The following MPDZ variants were observed in gnomAD, a reference collection of about 807,000 sequenced individuals.
MPDZ encodes the protein multiple PDZ domain crumbs cell polarity complex component.
In MPDZ, 234 loss-of-function variants were observed where a neutral mutation model predicts 239.1. That is an observed-to-expected ratio of 0.98 (90% CI 0.88 to 1.09). The LOEUF (loss-of-function observed/expected upper bound fraction) is 1.09. Ranked by LOEUF, MPDZ falls within the 50% of genes least tolerant of loss-of-function variation. The pLI is 0.00. For missense variants in MPDZ, 3,175 were observed against 2,510.0 expected (o/e 1.26, Z -5.66); for synonymous variants, 1,048 against 881.3 (o/e 1.19, Z -3.35).
intron 10 of MPDZ, among the ~76,000 whole-genome samples, chr9:13,215,571 T>C (rs1958200784): frequency 6.6e-6 from 1 of 151,482 alleles, no homozygotes. Flanking sequence ...CTCACTATTA[T>C]TAAGATTCTA....
In MPDZ at chr9:13,183,558, C is replaced by G; in HGVS notation, c.2509G>C (p.Asp837His). ...TATGGAGACTCAAATGTGGATTCAT[C>G]TACTAAGTCAGCATCATTTGTGCCC... ...LVGTNDADLV[D>H]ESTFESPYSP... Residue 837 changes from aspartate (D) to histidine (H), a missense_variant, in exon 19 of 47, where the codon GAT becomes CAT. Coordinates refer to ENST00000319217, the MANE Select transcript of MPDZ (RefSeq NM_001378778.1). The G allele has an allele frequency of 2.5e-6, 4 of 1,612,324 alleles. No individual in the cohort carries two copies. Among genetic ancestry groups the G allele is most frequent in the Non-Finnish European group, 3.4e-6 (4 of 1,178,954 alleles).
At chr9:13,128,111 C>G (rs1945387666) in intron 32 of MPDZ, among the ~76,000 whole-genome samples, 1 of 152,136 alleles carries the variant, frequency 6.6e-6, no homozygotes, top group South Asian at 2.1e-4. Flanking sequence ...CTCTCTTCCC[C>G]CTTCTTCCCT....
intron 3 of MPDZ, among the ~76,000 whole-genome samples, chr9:13,231,441 C>T (rs548148039): frequency 6.6e-6 from 1 of 152,072 alleles, no homozygotes; most frequent in South Asian, 2.1e-4. Flanking sequence ...GTTGTACGCA[C>T]CCATAATCTC....
At position 13,183,197 on chromosome 9, in the gene MPDZ, T is replaced by C. The variant is rs76593175; in HGVS notation, c.2649+221A>G. ...AATCAAAGCTTTGAGCCTCTGTATC[T>C]ATCATTCTCAGACACTAAATTTAAA... On this transcript the variant is annotated intron_variant, in intron 19 of 46. Transcript: ENST00000319217. Among the ~76,000 whole-genome samples, 1,188 of 152,204 alleles carry C rather than the reference T, an allele frequency of 7.8e-3. 15 individuals are homozygous for C. The highest frequency in any genetic ancestry group is 0.027 in the African/African-American group (1,139 of 41,556).
intron 12 of MPDZ, among the ~76,000 whole-genome samples, chr9:13,197,501 T>C (rs759042917): frequency 1.4e-4 from 21 of 152,140 alleles, no homozygotes; most frequent in Non-Finnish European, 2.2e-4. Flanking sequence ...ATTGTACATA[T>C]TTATAGGGTA....
At position 13,106,653 on chromosome 9, in the gene MPDZ, C is replaced by T. The variant is rs888998382; in HGVS notation, c.*312G>A. ...TTAGAATTATCTTTCTTTATACTAACCAGCTTAGCATGTAATAATTCTTGC... is the reference window on the plus strand; with the variant it reads ...TTAGAATTATCTTTCTTTATACTAATCAGCTTAGCATGTAATAATTCTTGC... On this transcript the variant is annotated 3_prime_UTR_variant, in exon 47 of 47. Coordinates refer to ENST00000319217, the MANE Select transcript of MPDZ (RefSeq NM_001378778.1). 9.1e-6 allele frequency: 2 copies of T among 219,896 alleles called. No homozygotes were observed. Among genetic ancestry groups the T allele is most frequent in the African/African-American group, 2.3e-5 (1 of 44,140 alleles). The allele number at this position is 219,896 out of a possible 1,614,324, so 13.6% of individuals were successfully genotyped here. A position where few individuals can be genotyped will look rare whatever the true frequency, so the allele number is the denominator to read the frequency against.
intron 10 of MPDZ, among the ~76,000 whole-genome samples, chr9:13,210,290 T>C (rs897482706): frequency 6.6e-6 from 1 of 152,134 alleles, no homozygotes; most frequent in Admixed American, 6.6e-5. Flanking sequence ...ATTAATATCC[T>C]ATATCAAAGC....
chr9:13,192,158 G>C lies in MPDZ; in HGVS notation c.1941C>G (p.Asp647Glu). The change falls in exon 15 of 47, where the codon GAC (aspartate) becomes GAG (glutamate). Residue 647 changes from aspartate to glutamate, a missense_variant. Physicochemically the swap from Asp to Glu is conservative, Grantham distance 45 (BLOSUM62 2). Transcript: ENST00000319217. Reference sequence around the variant, plus strand: ...TTTCTGTTAGCTCAATATCACATAAGTCCAGGCTATCCAATTCTGATTGGG... The same window carrying C: ...TTTCTGTTAGCTCAATATCACATAACTCCAGGCTATCCAATTCTGATTGGG... ...PTTQSELDSL[D>E]LCDIELTEKP... The C allele has an allele frequency of 6.2e-7, 1 of 1,609,540 alleles. No individual in the cohort carries two copies. Among genetic ancestry groups the C allele is most frequent in the East Asian group, 2.2e-5 (1 of 44,652 alleles).
chr9:13,107,076 G>T lies in MPDZ; in HGVS notation c.6102C>A (p.Gly2034=). The T allele has an allele frequency of 6.3e-7, 1 of 1,585,850 alleles. No individual in the cohort carries two copies. The highest frequency in any genetic ancestry group is 8.6e-7 in the Non-Finnish European group (1 of 1,158,764). Residue 2034 remains glycine, a synonymous_variant, in exon 47 of 47, where the codon GGC becomes GGA. Transcript: ENST00000319217. ...GCCCATTGACAGCAATGATCTGATCGCCCCTTTTCAGACGTCCGTCTTCAG... is the reference window on the plus strand; with the variant it reads ...GCCCATTGACAGCAATGATCTGATCTCCCCTTTTCAGACGTCCGTCTTCAG... ...AASEDGRLKR[G]DQIIAVNGQS...
chr9:13,233,355 C>T (rs1219905819), intron 3 of MPDZ, among the ~76,000 whole-genome samples: 2 of 152,084 alleles, frequency 1.3e-5, no homozygotes, highest in African/African-American at 2.4e-5. Context: ...ACTACTACTA[C>T]ACATACAATA....
At chr9:13,154,815 C>G (rs977987376) in intron 24 of MPDZ, among the ~76,000 whole-genome samples, 3 of 152,026 alleles carry the variant, frequency 2.0e-5, no homozygotes, top group Non-Finnish European at 4.4e-5. Context: ...AGAAAGAGTA[C>G]CATTTTCCAC....
rs748593756 is a variant in MPDZ at position 13,192,119 on chromosome 9, C to T, written c.1968+12G>A. 1.3e-6 allele frequency: 2 copies of T among 1,579,450 alleles called. No homozygotes were observed. The highest frequency in any genetic ancestry group is 2.4e-5 in the South Asian group (2 of 83,438). ...TATATGTAGGTTAGCCTCATGTATGCAAATCTGATACCTTTTCTGTTAGCT... is the reference window on the plus strand; with the variant it reads ...TATATGTAGGTTAGCCTCATGTATGTAAATCTGATACCTTTTCTGTTAGCT... On this transcript the variant is annotated intron_variant, in intron 15 of 46. Coordinates refer to ENST00000319217, the MANE Select transcript of MPDZ (RefSeq NM_001378778.1).
chr9:13,267,992 T>C (rs1681277354), intron 1 of MPDZ, among the ~76,000 whole-genome samples: 1 of 152,182 alleles, frequency 6.6e-6, no homozygotes, highest in Non-Finnish European at 1.5e-5. Context: ...ACTTTCCTTG[T>C]GACTCAGTTG....
chr9:13,263,809 A>G (rs914117935), intron 1 of MPDZ, among the ~76,000 whole-genome samples: 12 of 152,222 alleles, frequency 7.9e-5, no homozygotes, highest in Non-Finnish European at 1.8e-4. Context: ...GGATCCCAAG[A>G]CAGTATAAAT....
chr9:13,194,821 G>GCA (rs1433178409), intron 13 of MPDZ, among the ~76,000 whole-genome samples: 1 of 151,988 alleles, frequency 6.6e-6, no homozygotes, highest in East Asian at 1.9e-4. Context: ...TCTCAGTTAT[G>GCA]CACACCTGCC....
chr9:13,146,150 A>G (rs1395223440), intron 26 of MPDZ, among the ~76,000 whole-genome samples: 1 of 152,072 alleles, frequency 6.6e-6, no homozygotes, highest in Non-Finnish European at 1.5e-5. Flanking sequence ...TTACCTAACA[A>G]TAAACAACTG....
Position 13,136,723 on chromosome 9 carries a change from T to G in MPDZ, c.4281A>C (p.Ile1427=), listed in dbSNP as rs1265102431. Residue 1427 remains isoleucine, a synonymous_variant, in exon 30 of 47, where the codon ATA becomes ATC. Transcript: ENST00000319217. ...AAGAAAATGATCACCTGATAAAAATTATTTTCACTTTAGAAGGGGCACATT... is the reference window on the plus strand; with the variant it reads ...AAGAAAATGATCACCTGATAAAAATGATTTTCACTTTAGAAGGGGCACATT... ...IIKCAPSKVK[I]IFIRNKDAVN... 5.7e-6 allele frequency: 9 copies of G among 1,583,778 alleles called. No individual in the cohort carries two copies. Among genetic ancestry groups the G allele is most frequent in the Non-Finnish European group, 6.0e-6 (7 of 1,159,982 alleles).
intron 1 of MPDZ, among the ~76,000 whole-genome samples, chr9:13,277,647 C>T (rs1422257954): frequency 6.6e-6 from 1 of 152,142 alleles, no homozygotes; most frequent in African/African-American, 2.4e-5. Flanking sequence ...TCAATGCAAC[C>T]GCTGCCTCCC....
At chr9:13,167,814 G>A (rs867996770) in intron 22 of MPDZ, among the ~76,000 whole-genome samples, 1 of 152,176 alleles carries the variant, frequency 6.6e-6, no homozygotes, top group Middle Eastern at 3.4e-3. Flanking sequence ...GAAATTTTAA[G>A]CACTTCCTGA....
Sources: allele counts gnomAD v4.1 joint callset (sites outside exome capture counted in the v4.1 genomes callset), GRCh38; gene constraint gnomAD v4.1.1; transcripts MANE v1.5; gene names NCBI Gene and HGNC (gene_info 2026-07-23, HGNC 2026-07-21).